Variants in SEPTIN9 observed in about 807,000 individuals in gnomAD.
SEPTIN9 encodes septin 9.
SEPTIN9 carries 13 observed loss-of-function variants against 56.6 expected under a neutral mutation model. The observed-to-expected ratio is 0.23, with a 90% confidence interval of 0.15 to 0.37. The LOEUF (loss-of-function observed/expected upper bound fraction) is 0.37. Ranked by LOEUF, SEPTIN9 falls within the 10% of genes least tolerant of loss-of-function variation. SEPTIN9 has a pLI of 1.00. For synonymous variants in SEPTIN9, 332 were observed against 334.1 expected, an observed-to-expected ratio of 0.99 and a Z score of 0.07; for missense variants, 650 against 823.1, an observed-to-expected ratio of 0.79 and a Z score of 2.57.
chr17:77,370,559 T>A (rs960310556), intron 2 of SEPTIN9, among the ~76,000 whole-genome samples: 1 of 152,238 alleles, frequency 6.6e-6, no homozygotes, highest in African/African-American at 2.4e-5. Context: ...GGTCTCGTTG[T>A]GCACTGAAGA....
At chr17:77,484,912 GA>G (rs2039658559) in intron 4 of SEPTIN9, among the ~76,000 whole-genome samples, 2 of 147,066 alleles carry the variant, frequency 1.4e-5, no homozygotes, top group Non-Finnish European at 3.0e-5. Flanking sequence ...TGATGGTGAT[GA>G]TGGTGGTGAT....
intron 1 of SEPTIN9, among the ~76,000 whole-genome samples, chr17:77,286,056 C>A (rs567960827): frequency 2.0e-5 from 3 of 152,264 alleles, no homozygotes; most frequent in Non-Finnish European, 2.9e-5. Context: ...CTTGCCTCCT[C>A]ACGTCCAAGC....
At position 77,495,143 on chromosome 17, in the gene SEPTIN9, G is replaced by A. The variant is rs77665665; in HGVS notation, c.1573+2067G>A. On this transcript the variant is annotated intron_variant, in intron 10 of 11. Transcript: ENST00000427177. ...ACCCTGGTGGCCAACCTTGAGTACC[G>A]CAGGTGGCCGGTGACAGAAACTGTC... 4.8e-4 allele frequency among the ~76,000 whole-genome samples: 73 copies of A among 152,040 alleles called. 1 individual carries two copies. Among genetic ancestry groups the A allele is most frequent in the African/African-American group, 1.7e-3 (71 of 41,502 alleles).
chr17:77,488,417 G>A (rs923619983), intron 6 of SEPTIN9, 96 bp downstream of exon 6: 46 of 1,162,790 alleles, frequency 4.0e-5, no homozygotes, highest in Non-Finnish European at 5.6e-5. Flanking sequence ...GCCCGCGGGG[G>A]TGCAGGGCCC....
intron 3 of SEPTIN9, among the ~76,000 whole-genome samples, chr17:77,473,859 G>A (rs963865862): frequency 4.9e-4 from 74 of 152,278 alleles, no homozygotes; most frequent in African/African-American, 1.7e-3. Context: ...ATGAATCAAT[G>A]TTATGGTCCT....
chr17:77,382,515 G>A (rs1016067163), intron 2 of SEPTIN9, among the ~76,000 whole-genome samples: 4 of 152,150 alleles, frequency 2.6e-5, no homozygotes, highest in South Asian at 2.1e-4. Flanking sequence ...GCCCTGCTGC[G>A]CACGAGATCC....
intron 2 of SEPTIN9, among the ~76,000 whole-genome samples, chr17:77,385,500 T>C (rs1199253345): frequency 6.6e-6 from 1 of 152,090 alleles, no homozygotes; most frequent in Non-Finnish European, 1.5e-5. Flanking sequence ...ATTACAGGCG[T>C]GAGCCACTGC....
chr17:77,434,598 G>A lies in SEPTIN9; in HGVS notation c.721+31895G>A, dbSNP rs990709893. Reference sequence around the variant, plus strand: ...TGCAGGTAGTCCCCTGTGGTTGAAGGTGCCCTGGCAGGACCTGCACCATGA... The same window carrying A: ...TGCAGGTAGTCCCCTGTGGTTGAAGATGCCCTGGCAGGACCTGCACCATGA... On this transcript the variant is annotated intron_variant, in intron 3 of 11. Transcript: ENST00000427177. This position sits in a 1 kb window ranked among gnomAD's most constrained non-coding sequence, Gnocchi z 5.0. Among the ~76,000 whole-genome samples the A allele has an allele frequency of 1.3e-5, 2 of 152,140 alleles. No homozygotes were observed. The highest frequency in any genetic ancestry group is 6.5e-5 in the Admixed American group (1 of 15,280).
intron 2 of SEPTIN9, chr17:77,373,480 C>A (rs1217370560): frequency 1.3e-6 from 2 of 1,527,432 alleles, no homozygotes; most frequent in South Asian, 1.2e-5. Context: ...CCGCGCGACC[C>A]GCTGCCCACC....
chr17:77,409,120 C>T (rs918569953), intron 3 of SEPTIN9, among the ~76,000 whole-genome samples: 9 of 152,130 alleles, frequency 5.9e-5, no homozygotes, highest in African/African-American at 2.2e-4. Flanking sequence ...CCACCTCCTC[C>T]CATTTTCCTG....
In SEPTIN9 at chr17:77,326,159, C is replaced by T. The variant is rs147737671; in HGVS notation, c.76+18962C>T. On this transcript the variant is annotated intron_variant, in intron 2 of 11. Transcript: ENST00000427177. This position sits in a 1 kb window ranked among gnomAD's most constrained non-coding sequence, Gnocchi z 5.1. ...CCCACCCAACCTCACCCATGTGGTC[C>T]GCCCAGCAACCTTTGACCCCCAACA... is the stretch of plus-strand genomic sequence containing the variant. 2.1e-3 allele frequency among the ~76,000 whole-genome samples: 325 copies of T among 152,276 alleles called. 1 individual carries two copies. Among genetic ancestry groups the T allele is most frequent in the African/African-American group, 7.3e-3 (305 of 41,540 alleles).
At chr17:77,397,511 C>G (rs760442253) in intron 2 of SEPTIN9, among the ~76,000 whole-genome samples, 1 of 152,142 alleles carries the variant, frequency 6.6e-6, no homozygotes, top group South Asian at 2.1e-4. Context: ...TTAGACATGT[C>G]TTTTTGGGGG....
At chr17:77,360,026 G>A (rs2034363690) in intron 2 of SEPTIN9, among the ~76,000 whole-genome samples, 1 of 151,862 alleles carries the variant, frequency 6.6e-6, no homozygotes, top group Admixed American at 6.6e-5. Context: ...GCATGGTGGT[G>A]GGCACCTGTG....
intron 2 of SEPTIN9, among the ~76,000 whole-genome samples, chr17:77,363,959 C>G (rs117078461): frequency 0.046 from 6,917 of 151,856 alleles, 239 homozygotes; most frequent in Non-Finnish European, 0.067. Flanking sequence ...GCCGAGTCAT[C>G]GTGGCCAGTG....
rs1042945160 is a variant in SEPTIN9, at chr17:77,389,247, T to A, written c.77-12812T>A. 2.0e-5 allele frequency among the ~76,000 whole-genome samples: 3 copies of A among 151,186 alleles called. No individual in the cohort carries two copies. Among genetic ancestry groups the A allele is most frequent in the Non-Finnish European group, 4.4e-5 (3 of 67,786 alleles). ...GGAAGAGTCTGCTGTTGTTGGAGGGTCGGAAGTAGAGGGGAAGGAGGGGCA... is the reference window on the plus strand; with the variant it reads ...GGAAGAGTCTGCTGTTGTTGGAGGGACGGAAGTAGAGGGGAAGGAGGGGCA... On this transcript the variant is annotated intron_variant, in intron 2 of 11. Coordinates refer to ENST00000427177, the MANE Select transcript of SEPTIN9 (RefSeq NM_001113491.2). The surrounding 1 kb of genome is among the most constrained non-coding windows in gnomAD (Gnocchi z 4.3).
chr17:77,365,206 G>A (rs758628571), intron 2 of SEPTIN9, among the ~76,000 whole-genome samples: 5 of 152,152 alleles, frequency 3.3e-5, no homozygotes, highest in Non-Finnish European at 7.3e-5. Context: ...GGAAAGAGTA[G>A]AGTGGATATG....
intron 3 of SEPTIN9, among the ~76,000 whole-genome samples, chr17:77,404,218 C>CT (rs139276638): frequency 0.017 from 2,557 of 152,276 alleles, 59 homozygotes; most frequent in African/African-American, 0.059. Flanking sequence ...CCACATCTCT[C>CT]TAAGTCCCTC....
intron 7 of SEPTIN9, among the ~76,000 whole-genome samples, chr17:77,489,631 C>T (rs1349403806): frequency 6.6e-6 from 1 of 152,138 alleles, no homozygotes; most frequent in Non-Finnish European, 1.5e-5. Flanking sequence ...AGATGTACTT[C>T]CCTGGGCGGA....
chr17:77,458,625 A>G (rs576879012), intron 3 of SEPTIN9, among the ~76,000 whole-genome samples: 5 of 152,256 alleles, frequency 3.3e-5, no homozygotes, highest in Non-Finnish European at 7.3e-5. Context: ...GAAGAGGCTC[A>G]GCACGGAACC....
Sources: gnomAD v4.1 joint callset for allele counts (sites outside exome capture counted in the v4.1 genomes callset) on GRCh38, gnomAD v4.1.1 for gene constraint, Gnocchi (gnomAD v3.1) non-coding constraint, MANE v1.5 for transcripts, NCBI Gene and HGNC (gene_info 2026-07-23, HGNC 2026-07-21) for gene names.